Variants in ALDH1A3 observed in about 807,000 individuals in gnomAD.
The protein encoded by ALDH1A3 is retinaldehyde dehydrogenase 3.
ALDH1A3 carries 28 observed loss-of-function variants against 57.5 expected under a neutral mutation model. The ratio of observed to expected loss-of-function variants is 0.49; its 90% CI spans 0.36 to 0.67. The LOEUF (loss-of-function observed/expected upper bound fraction) is 0.67, where lower values mean the gene tolerates loss of function less well. Among genes scored for constraint, ALDH1A3 ranks in the 30% least tolerant of loss-of-function variants. The pLI is 0.00. For synonymous variants in ALDH1A3, 281 were observed against 264.8 expected (o/e 1.06, Z -0.59); for missense variants, 507 against 669.4 (o/e 0.76, Z 2.68).
chr15:100,899,647 G>A (rs775807368), intron 8 of ALDH1A3, among the ~76,000 whole-genome samples: 3 of 152,152 alleles, frequency 2.0e-5, no homozygotes, highest in Non-Finnish European at 4.4e-5. Flanking sequence ...TCTCGGAGGA[G>A]GGGCAGTTCC....
chr15:100,902,976 T>G (rs987191942), intron 9 of ALDH1A3, among the ~76,000 whole-genome samples: 3 of 152,214 alleles, frequency 2.0e-5, no homozygotes, highest in Non-Finnish European at 4.4e-5. Flanking sequence ...CTCAGCAGCA[T>G]CTGGAACTGT....
chr15:100,912,298 T>G (rs1195875557), intron 12 of ALDH1A3, among the ~76,000 whole-genome samples: 2 of 152,262 alleles, frequency 1.3e-5, no homozygotes, highest in African/African-American at 4.8e-5. Flanking sequence ...ATGATGGCAT[T>G]GAGCACCATT....
rs747866340 is a variant in ALDH1A3 at position 100,895,917 on chromosome 15, C to T, written c.667-16C>T. The T allele has an allele frequency of 6.2e-7, 1 of 1,602,144 alleles. No individual in the cohort carries two copies. The highest frequency in any genetic ancestry group is 1.7e-5 in the Admixed American group (1 of 59,262). On this transcript the variant is annotated splice_polypyrimidine_tract_variant and intron_variant, in intron 6 of 12. Coordinates refer to ENST00000329841, the MANE Select transcript of ALDH1A3 (RefSeq NM_000693.4). Reference sequence around the variant, plus strand: ...AAGTCCGTTCTTCTTCAAGTGCTATCTTGATTTCTTCCCAGGCCGGGTTCC... The same window carrying T: ...AAGTCCGTTCTTCTTCAAGTGCTATTTTGATTTCTTCCCAGGCCGGGTTCC...
In ALDH1A3 at chr15:100,887,418, A is replaced by T. The variant is rs1406508730; in HGVS notation, c.205-154A>T. 6.6e-6 allele frequency among the ~76,000 whole-genome samples: 1 copy of T among 151,842 alleles called. No homozygotes were observed. The highest frequency in any genetic ancestry group is 1.5e-5 in the Non-Finnish European group (1 of 67,988). Reference sequence around the variant, plus strand: ...ACCGAAACTGCAGTCACTTCAAAAGATGACACCCAAACTGCAGTCACGTCA... The same window carrying T: ...ACCGAAACTGCAGTCACTTCAAAAGTTGACACCCAAACTGCAGTCACGTCA... On this transcript the variant is annotated intron_variant, in intron 2 of 12. Transcript: ENST00000329841. This position sits in a 1 kb window ranked among gnomAD's most constrained non-coding sequence, Gnocchi z 4.6.
chr15:100,903,153 G>A (rs1315528965), intron 9 of ALDH1A3, among the ~76,000 whole-genome samples: 2 of 49,724 alleles, frequency 4.0e-5, no homozygotes, highest in African/African-American at 7.6e-5. Context: ...CGCCCCTCCC[G>A]CCCCCACCTT....
chr15:100,880,512 C>G (rs1388410554), intron 1 of ALDH1A3: 1 of 295,168 alleles, frequency 3.4e-6, no homozygotes, highest in Non-Finnish European at 6.2e-6. Context: ...GCGGGTCCTC[C>G]GAGCAAAGCG....
intron 2 of ALDH1A3, among the ~76,000 whole-genome samples, chr15:100,885,928 A>G (rs1011081031): frequency 9.2e-5 from 14 of 152,346 alleles, no homozygotes; most frequent in Non-Finnish European, 1.5e-4. Context: ...CAAGGTCTAT[A>G]TAGTAATACA....
intron 1 of ALDH1A3, among the ~76,000 whole-genome samples, chr15:100,883,038 A>G (rs1266610284): frequency 1.3e-5 from 2 of 152,224 alleles, no homozygotes; most frequent in Non-Finnish European, 2.9e-5. Context: ...TCATGAACAA[A>G]CAGTAATTTT....
chr15:100,908,326 C>A (rs1596134273), intron 11 of ALDH1A3, 82 bp from the exon 12 acceptor site: 3 of 1,156,524 alleles, frequency 2.6e-6, no homozygotes, highest in African/African-American at 1.5e-5. Flanking sequence ...CAATGCCCTG[C>A]ACTGGGGGCT....
chr15:100,913,610 G>C (rs1343761590), intron 12 of ALDH1A3: 1 of 152,222 alleles, frequency 6.6e-6, no homozygotes, highest in Non-Finnish European at 1.5e-5. Flanking sequence ...TTAGTAACTT[G>C]AATTCCATCT....
intron 2 of ALDH1A3, among the ~76,000 whole-genome samples, chr15:100,886,822 T>C (rs770459783): frequency 1.3e-5 from 2 of 152,172 alleles, no homozygotes; most frequent in Non-Finnish European, 2.9e-5. Context: ...AAAAACGGCC[T>C]TCATGCTCCT....
In ALDH1A3 at chr15:100,914,891, C is replaced by A; in HGVS notation, c.*118C>A. ...GGGACACATTCTTCTGGAGGCTTTA[C>A]ATCTACTGGAGTTGAATGATTGCTG... On this transcript the variant is annotated 3_prime_UTR_variant, in exon 13 of 13. Transcript: ENST00000329841. 1 of 895,042 alleles carries A rather than the reference C, an allele frequency of 1.1e-6. No homozygotes were observed. Among genetic ancestry groups the A allele is most frequent in the Non-Finnish European group, 1.7e-6 (1 of 580,400 alleles). 55.4% of individuals were successfully genotyped at this position (895,042 alleles called of 1,614,324 possible).
At chr15:100,888,314 T>C (rs1384484991) in intron 3 of ALDH1A3, among the ~76,000 whole-genome samples, 4 of 152,102 alleles carry the variant, frequency 2.6e-5, no homozygotes, top group Admixed American at 2.6e-4. Flanking sequence ...GGCCAGGTCT[T>C]GAACTCCTGG....
At position 100,900,636 on chromosome 15, in the gene ALDH1A3, G is replaced by A. The variant is rs2229183; in HGVS notation, c.945G>A (p.Thr315=). 4.3e-6 allele frequency: 7 copies of A among 1,611,808 alleles called. No individual in the cohort carries two copies. The highest frequency in any genetic ancestry group is 2.2e-5 in the East Asian group (1 of 44,822). ...GVFFNQGQCC[T]AASRVFVEEQ... is the part of the protein sequence containing the mutation. ...TCTTCAACCAAGGCCAGTGTTGCAC[G>A]GCAGCCTCCAGGGTGTTCGTGGAGG... is the stretch of plus-strand genomic sequence containing the variant. The change falls in exon 9 of 13, where the codon ACG becomes ACA. Residue 315 remains threonine (T), a synonymous_variant. Transcript: ENST00000329841.
chr15:100,898,203 T>C lies in ALDH1A3; in HGVS notation c.883+18T>C, dbSNP rs1488595012. The C allele has an allele frequency of 6.2e-7, 1 of 1,604,296 alleles. No homozygotes were observed. The highest frequency in any genetic ancestry group is 8.5e-7 in the Non-Finnish European group (1 of 1,171,732). ...CGCTGACTGTGAGTCTCTGCCCTCCTGGGCTTTGCTGGGGCTTCAGGGCAT... is the reference window on the plus strand; with the variant it reads ...CGCTGACTGTGAGTCTCTGCCCTCCCGGGCTTTGCTGGGGCTTCAGGGCAT... On this transcript the variant is annotated intron_variant, in intron 8 of 12. Coordinates refer to ENST00000329841, the MANE Select transcript of ALDH1A3 (RefSeq NM_000693.4).
intron 9 of ALDH1A3, among the ~76,000 whole-genome samples, chr15:100,905,234 C>T (rs2041811090): frequency 6.6e-6 from 1 of 152,230 alleles, no homozygotes; most frequent in Non-Finnish European, 1.5e-5. Context: ...ACCTGTGTCA[C>T]TCATGGACTA....
chr15:100,883,655 T>G (rs1225358199), intron 1 of ALDH1A3, among the ~76,000 whole-genome samples: 2 of 152,030 alleles, frequency 1.3e-5, no homozygotes, highest in Non-Finnish European at 2.9e-5. Flanking sequence ...TGGGTTTTTT[T>G]TTTTTTTAAC....
intron 9 of ALDH1A3, among the ~76,000 whole-genome samples, chr15:100,903,508 T>TCA (rs1158201196): frequency 1.3e-5 from 2 of 152,274 alleles, no homozygotes; most frequent in South Asian, 2.1e-4. Flanking sequence ...GTATGTGATT[T>TCA]CACACACACA....
chr15:100,910,877 A>G (rs972074031), intron 12 of ALDH1A3, among the ~76,000 whole-genome samples: 17 of 152,126 alleles, frequency 1.1e-4, no homozygotes, highest in African/African-American at 3.9e-4. Flanking sequence ...CAGGGCCCCC[A>G]ATCCCTGGTG....
Sources: allele counts gnomAD v4.1 joint callset (sites outside exome capture counted in the v4.1 genomes callset), GRCh38; gene constraint gnomAD v4.1.1; non-coding constraint Gnocchi (gnomAD v3.1); transcripts MANE v1.5; gene names NCBI Gene and HGNC (gene_info 2026-07-23, HGNC 2026-07-21).